The following MAP2 variants were observed in gnomAD, a reference collection of about 807,000 sequenced individuals.
MAP2 encodes microtubule-associated protein 2.
MAP2 carries 14 observed loss-of-function variants against 137.6 expected under a neutral mutation model. The ratio of observed to expected loss-of-function variants is 0.10; its 90% CI spans 0.07 to 0.16. MAP2 has a LOEUF of 0.16. MAP2 is among the 10% of genes least tolerant of loss of function. MAP2 has a pLI of 1.00. For synonymous variants in MAP2, 786 were observed against 782.3 expected, an observed-to-expected ratio of 1.00 and a Z score of -0.08; for missense variants, 2,088 against 2,191.5, an observed-to-expected ratio of 0.95 and a Z score of 0.94.
At chr2:209,567,691 C>T (rs2073733393) in intron 2 of MAP2, among the ~76,000 whole-genome samples, 1 of 151,864 alleles carries the variant, frequency 6.6e-6, no homozygotes, top group Admixed American at 6.6e-5. Context: ...AAAAAAGCCA[C>T]AAAACTATGG....
At chr2:209,651,395 C>T (rs772259573) in intron 4 of MAP2, among the ~76,000 whole-genome samples, 31 of 152,234 alleles carry the variant, frequency 2.0e-4, no homozygotes, top group Non-Finnish European at 4.0e-4. Context: ...TTTCAGGCTC[C>T]TATTCCTATG....
At chr2:209,448,370 C>G (rs1699583385) in intron 1 of MAP2, among the ~76,000 whole-genome samples, 1 of 152,070 alleles carries the variant, frequency 6.6e-6, no homozygotes, top group Non-Finnish European at 1.5e-5. Flanking sequence ...GCTCCCCAAA[C>G]CAGAATTATT....
chr2:209,426,284 T>G (rs62213406), intron 1 of MAP2, among the ~76,000 whole-genome samples: 32,133 of 152,070 alleles, frequency 0.21, 4,040 homozygotes, highest in South Asian at 0.3. Flanking sequence ...TCTGAAGATC[T>G]AAGTAATTTA....
At chr2:209,598,759 C>A (rs1294701115) in intron 3 of MAP2, among the ~76,000 whole-genome samples, 10 of 150,872 alleles carry the variant, frequency 6.6e-5, no homozygotes, top group Non-Finnish European at 8.9e-5. Flanking sequence ...CATCCATGTC[C>A]CTACAAAGGA....
Position 209,675,908 on chromosome 2 carries a change from A to T in MAP2, c.263-2664A>T, listed in dbSNP as rs779965794. On this transcript the variant is annotated intron_variant, in intron 5 of 15. Coordinates refer to ENST00000682079, the MANE Select transcript of MAP2 (RefSeq NM_001375505.1). The stretch of plus-strand genomic sequence containing the variant: ...TTTTGATATATATATCAAATACTTA[A>T]TAATAGAGTAAATAAGATAATTTTA... 4.5e-4 allele frequency among the ~76,000 whole-genome samples: 69 copies of T among 151,884 alleles called. 1 individual carries two copies. The highest frequency in any genetic ancestry group is 5.9e-4 in the Non-Finnish European group (40 of 67,844).
rs1691873978 is a variant in MAP2, at chr2:209,424,191, C to T, written c.-307C>T. The stretch of plus-strand genomic sequence containing the variant: ...CCCTCCCCTTCTTCCCCTAACCCTT[C>T]TACCCCTCTCCTTTTTCTCCGGAGG... On this transcript the variant is annotated 5_prime_UTR_variant, in exon 1 of 16. Transcript: ENST00000682079. The T allele has an allele frequency of 6.6e-6, 1 of 152,390 alleles. No individual in the cohort carries two copies. The highest frequency in any genetic ancestry group is 2.4e-5 in the African/African-American group (1 of 41,396). The allele number at this position is 152,390 out of a possible 1,614,324, so 9.4% of individuals were successfully genotyped here.
chr2:209,722,208 G>T (rs147981000), intron 13 of MAP2, among the ~76,000 whole-genome samples: 1 of 152,254 alleles, frequency 6.6e-6, no homozygotes, highest in Non-Finnish European at 1.5e-5. Context: ...CTAAAAAGTA[G>T]CCCAATCATT....
intron 2 of MAP2, among the ~76,000 whole-genome samples, chr2:209,542,955 T>G (rs757894420): frequency 9.2e-5 from 14 of 152,360 alleles, no homozygotes; most frequent in Non-Finnish European, 2.1e-4. Flanking sequence ...CTCTGAGAAC[T>G]TTTCATTTGC....
At chr2:209,705,827 G>T in intron 12 of MAP2, 100 bp downstream of exon 12, 1 of 1,033,726 alleles carries the variant, frequency 9.7e-7, no homozygotes, top group Non-Finnish European at 1.4e-6. Context: ...AATAAAACAT[G>T]CATTAAGACT....
Position 209,441,858 on chromosome 2 carries a change from A to G in MAP2, c.-222+17582A>G, listed in dbSNP as rs1355660245. On this transcript the variant is annotated intron_variant, in intron 1 of 15. Coordinates refer to ENST00000682079, the MANE Select transcript of MAP2 (RefSeq NM_001375505.1). ...GAACTTAGGAAGTTACTACATTAGT[A>G]CTATAGCAGGACTGTAAATGGAACT... 4.0e-5 allele frequency among the ~76,000 whole-genome samples: 6 copies of G among 151,706 alleles called. No individual in the cohort carries two copies. In the East Asian group the frequency reaches 9.7e-4, roughly 24 times the overall value.
intron 13 of MAP2, among the ~76,000 whole-genome samples, chr2:209,711,875 C>T (rs1195546142): frequency 6.6e-6 from 1 of 151,976 alleles, no homozygotes. Flanking sequence ...ATTCCCATGT[C>T]CTGTTATTCT....
chr2:209,483,920 C>T (rs1346107361), intron 1 of MAP2, among the ~76,000 whole-genome samples: 27 of 152,154 alleles, frequency 1.8e-4, no homozygotes, highest in Admixed American at 1.2e-3. Flanking sequence ...CCTCAGAGCA[C>T]TTCCAGAGGA....
At chr2:209,533,151 AT>A (rs1444201917) in intron 2 of MAP2, among the ~76,000 whole-genome samples, 2 of 151,438 alleles carry the variant, frequency 1.3e-5, no homozygotes, top group Non-Finnish European at 1.5e-5. Context: ...ATTTATTTTT[AT>A]TTTTTATTTT....
chr2:209,501,466 G>T (rs1383936582), intron 1 of MAP2, among the ~76,000 whole-genome samples: 3 of 152,094 alleles, frequency 2.0e-5, no homozygotes, highest in Non-Finnish European at 4.4e-5. Context: ...GTGTGGCAAG[G>T]GGGAAGAAGA....
At chr2:209,575,292 C>T (rs544885662) in intron 2 of MAP2, among the ~76,000 whole-genome samples, 18 of 151,938 alleles carry the variant, frequency 1.2e-4, no homozygotes, top group East Asian at 7.8e-4. Context: ...GAGGCCAAGG[C>T]GGGCGGATCA....
chr2:209,657,897 A>C (rs1223385110), intron 5 of MAP2, among the ~76,000 whole-genome samples: 2 of 152,172 alleles, frequency 1.3e-5, no homozygotes, highest in Non-Finnish European at 2.9e-5. Flanking sequence ...TTATAGCTTG[A>C]GGTCTCACTT....
intron 3 of MAP2, among the ~76,000 whole-genome samples, chr2:209,582,982 A>G (rs1377784965): frequency 6.6e-6 from 1 of 152,108 alleles, no homozygotes; most frequent in Non-Finnish European, 1.5e-5. Context: ...CTTCATATTA[A>G]ACACTAAATT....
At chr2:209,432,471 G>A (rs562871348) in intron 1 of MAP2, among the ~76,000 whole-genome samples, 1 of 152,106 alleles carries the variant, frequency 6.6e-6, no homozygotes, top group Non-Finnish European at 1.5e-5. Context: ...ACAAATACTT[G>A]AAAGCCACGA....
chr2:209,632,839 C>G (rs2093218173), intron 4 of MAP2, among the ~76,000 whole-genome samples: 1 of 152,154 alleles, frequency 6.6e-6, no homozygotes, highest in Non-Finnish European at 1.5e-5. Flanking sequence ...CTCTTACTCT[C>G]TCAGCCCAGG....
Sources: allele counts gnomAD v4.1 joint callset (sites outside exome capture counted in the v4.1 genomes callset), GRCh38; gene constraint gnomAD v4.1.1; transcripts MANE v1.5; gene names NCBI Gene and HGNC (gene_info 2026-07-23, HGNC 2026-07-21).